CDH18: variants seen among roughly 807,000 people sequenced by gnomAD.
CDH18 encodes cadherin 18, also known as cadherin-18.
A neutral mutation model predicts 67.9 loss-of-function variants in CDH18; 31 were observed. The observed-to-expected ratio is 0.46, with a 90% CI of 0.34 to 0.62. The LOEUF is 0.62. Ranked by LOEUF, CDH18 falls within the 20% of genes least tolerant of loss-of-function variation. CDH18 has a pLI of 0.01. For missense variants in CDH18, 890 were observed against 975.5 expected (o/e 0.91, Z 1.17); for synonymous variants, 362 against 347.2 (o/e 1.04, Z -0.48).
intron 3 of CDH18, among the ~76,000 whole-genome samples, chr5:19,797,853 CA>C (rs1189386527): frequency 6.6e-6 from 1 of 151,964 alleles, no homozygotes; most frequent in African/African-American, 2.4e-5. Flanking sequence ...TGGAAAGACA[CA>C]GGCCTTCAAT....
chr5:20,134,451 T>C (rs1298735822), intron 2 of CDH18, among the ~76,000 whole-genome samples: 1 of 152,184 alleles, frequency 6.6e-6, no homozygotes. Context: ...GATTTTTAAT[T>C]TCTAGCATTT....
intron 5 of CDH18, among the ~76,000 whole-genome samples, chr5:19,714,424 G>C (rs1765093405): frequency 1.3e-5 from 2 of 151,746 alleles, no homozygotes; most frequent in Admixed American, 1.3e-4. Flanking sequence ...ATCTACAGCT[G>C]ATTTTTTTTC....
chr5:19,823,549 T>C (rs1780102587), intron 3 of CDH18, among the ~76,000 whole-genome samples: 1 of 152,156 alleles, frequency 6.6e-6, no homozygotes, highest in Non-Finnish European at 1.5e-5. Context: ...TAAATATACA[T>C]GCACTCAATA....
intron 3 of CDH18, among the ~76,000 whole-genome samples, chr5:19,793,039 T>C (rs1478258594): frequency 6.6e-6 from 1 of 152,106 alleles, no homozygotes; most frequent in Non-Finnish European, 1.5e-5. Context: ...TGACCCTGGG[T>C]AATCAATGAA....
chr5:20,288,343 T>C (rs1746843509), intron 1 of CDH18, among the ~76,000 whole-genome samples: 1 of 151,680 alleles, frequency 6.6e-6, no homozygotes, highest in Non-Finnish European at 1.5e-5. Flanking sequence ...GTCAAATTAC[T>C]TAATAAAATA....
intron 1 of CDH18, among the ~76,000 whole-genome samples, chr5:20,501,717 TTGTGTGTGTGTG>T (rs1170488048): frequency 4.1e-5 from 5 of 121,244 alleles, no homozygotes; most frequent in Non-Finnish European, 6.7e-5. Context: ...TCTTAAGGAT[TTGTGTGTGTGTG>T]TGTGTGTGTG....
intron 4 of CDH18, among the ~76,000 whole-genome samples, chr5:19,732,029 G>T (rs574786201): frequency 2.0e-5 from 3 of 152,170 alleles, no homozygotes; most frequent in Non-Finnish European, 4.4e-5. Flanking sequence ...GGACAAGGCT[G>T]CAGTGAGCCC....
At chr5:19,855,478 C>CATTAT (rs1784180803) in intron 2 of CDH18, among the ~76,000 whole-genome samples, 1 of 152,020 alleles carries the variant, frequency 6.6e-6, no homozygotes, top group South Asian at 2.1e-4. Flanking sequence ...TCTCTGTGTA[C>CATTAT]ATTTTATTTT....
At chr5:20,134,278 C>T (rs1749514548) in intron 2 of CDH18, among the ~76,000 whole-genome samples, 1 of 152,086 alleles carries the variant, frequency 6.6e-6, no homozygotes, top group African/African-American at 2.4e-5. Flanking sequence ...GCCCAGCCTA[C>T]ATCTTGTATA....
At chr5:19,791,548 A>G (rs1776362636) in intron 3 of CDH18, among the ~76,000 whole-genome samples, 1 of 152,156 alleles carries the variant, frequency 6.6e-6, no homozygotes, top group African/African-American at 2.4e-5. Context: ...CAGCTTTCTC[A>G]TCACTTGTAA....
intron 2 of CDH18, among the ~76,000 whole-genome samples, chr5:19,952,141 C>T (rs1026556298): frequency 6.6e-6 from 1 of 152,144 alleles, no homozygotes; most frequent in South Asian, 2.1e-4. Context: ...CTCCTCCTCC[C>T]AGGTTCAAGT....
chr5:20,257,932 G>A (rs2126622025), intron 1 of CDH18, among the ~76,000 whole-genome samples: 1 of 152,130 alleles, frequency 6.6e-6, no homozygotes, highest in South Asian at 2.1e-4. Flanking sequence ...AACTGGAGAA[G>A]GAATGTGTTA....
chr5:19,676,254 C>T (rs929708736), intron 5 of CDH18, among the ~76,000 whole-genome samples: 1 of 152,028 alleles, frequency 6.6e-6, no homozygotes, highest in African/African-American at 2.4e-5. Context: ...AGAAAGCAAG[C>T]AACTTTAAAA....
chr5:20,519,466 GT>G (rs1342201881), intron 1 of CDH18, among the ~76,000 whole-genome samples: 1 of 152,102 alleles, frequency 6.6e-6, no homozygotes, highest in African/African-American at 2.4e-5. Flanking sequence ...TCCGGGGACT[GT>G]TGTGGAGTGG....
intron 1 of CDH18, among the ~76,000 whole-genome samples, chr5:20,550,772 T>C (rs1163558737): frequency 2.6e-5 from 4 of 152,270 alleles, no homozygotes; most frequent in Non-Finnish European, 5.9e-5. Flanking sequence ...GGCTGGGTAA[T>C]TTATTTAAAA....
At chr5:20,482,525 T>C (rs1316001665) in intron 1 of CDH18, among the ~76,000 whole-genome samples, 1 of 151,978 alleles carries the variant, frequency 6.6e-6, no homozygotes, top group Non-Finnish European at 1.5e-5. Flanking sequence ...AAATCTTCAA[T>C]AAAATACTAG....
At chr5:20,477,993 C>A (rs993469718) in intron 1 of CDH18, among the ~76,000 whole-genome samples, 4 of 152,090 alleles carry the variant, frequency 2.6e-5, no homozygotes, top group African/African-American at 9.7e-5. Flanking sequence ...CTAGACACAC[C>A]CTGGGTAAGA....
chr5:20,261,228 A>G (rs979491040), intron 1 of CDH18, among the ~76,000 whole-genome samples: 1 of 152,168 alleles, frequency 6.6e-6, no homozygotes, highest in Non-Finnish European at 1.5e-5. Flanking sequence ...TGAAAACTTT[A>G]AAAAATATTA....
At chr5:20,222,558 G>C (rs1193370545) in intron 2 of CDH18, among the ~76,000 whole-genome samples, 1 of 151,776 alleles carries the variant, frequency 6.6e-6, no homozygotes, top group Non-Finnish European at 1.5e-5. Context: ...TCTTTAGCTG[G>C]AACATAAACC....
Sources: allele counts gnomAD v4.1 joint callset (sites outside exome capture counted in the v4.1 genomes callset), GRCh38; gene constraint gnomAD v4.1.1; transcripts MANE v1.5; gene names NCBI Gene and HGNC (gene_info 2026-07-23, HGNC 2026-07-21).